The following SGCZ variants were observed in gnomAD, a reference collection of about 807,000 sequenced individuals.
SGCZ encodes sarcoglycan zeta.
SGCZ carries 40 observed loss-of-function variants against 41.3 expected under a neutral mutation model. The observed-to-expected ratio is 0.97, with a 90% CI of 0.75 to 1.26. The LOEUF (loss-of-function observed/expected upper bound fraction) is 1.26, where lower values mean the gene tolerates loss of function less well. SGCZ is among the 50% of genes most tolerant of loss of function. SGCZ has a pLI of 0.00. For missense variants in SGCZ, 552 were observed against 369.8 expected, an observed-to-expected ratio of 1.49 and a Z score of -4.04; for synonymous variants, 206 against 137.5, an observed-to-expected ratio of 1.50 and a Z score of -3.49.
chr8:14,813,283 A>G (rs188629185), intron 1 of SGCZ, among the ~76,000 whole-genome samples: 87 of 152,312 alleles, frequency 5.7e-4, no homozygotes, highest in African/African-American at 1.9e-3. Flanking sequence ...TTCACGTCGT[A>G]TGAAATTTCA....
chr8:14,519,775 T>C (rs1385301346), intron 2 of SGCZ, among the ~76,000 whole-genome samples: 1 of 152,124 alleles, frequency 6.6e-6, no homozygotes, highest in African/African-American at 2.4e-5. Flanking sequence ...TTGAAAGTAA[T>C]CATGAGAAAA....
chr8:14,459,872 A>G (rs1800852438), intron 2 of SGCZ, among the ~76,000 whole-genome samples: 1 of 152,222 alleles, frequency 6.6e-6, no homozygotes, highest in African/African-American at 2.4e-5. Context: ...GACATATTTT[A>G]CAAAATAACT....
At chr8:14,186,244 A>G (rs1804898094) in intron 4 of SGCZ, among the ~76,000 whole-genome samples, 1 of 152,248 alleles carries the variant, frequency 6.6e-6, no homozygotes, top group African/African-American at 2.4e-5. Flanking sequence ...GAAATGGTCT[A>G]AAGGACATGC....
chr8:14,728,433 C>G (rs985962438), intron 1 of SGCZ, among the ~76,000 whole-genome samples: 3 of 139,700 alleles, frequency 2.1e-5, no homozygotes, highest in African/African-American at 5.3e-5. Context: ...AAAAAGCAAA[C>G]AAAAATATCT....
At chr8:14,369,468 G>C (rs1228552623) in intron 2 of SGCZ, among the ~76,000 whole-genome samples, 2 of 151,912 alleles carry the variant, frequency 1.3e-5, no homozygotes, top group Non-Finnish European at 2.9e-5. Flanking sequence ...CATAGCTAGA[G>C]GCACTCAATG....
intron 1 of SGCZ, among the ~76,000 whole-genome samples, chr8:15,063,278 T>G (rs772463514): frequency 1.4e-4 from 22 of 152,118 alleles, no homozygotes; most frequent in Non-Finnish European, 2.2e-4. Flanking sequence ...ATAAGCACAT[T>G]TAATATGCAT....
intron 2 of SGCZ, among the ~76,000 whole-genome samples, chr8:14,442,764 T>A (rs575183043): frequency 8.6e-4 from 131 of 152,324 alleles, no homozygotes; most frequent in Non-Finnish European, 1.6e-3. Flanking sequence ...AGGTTTTGGC[T>A]CTTCATTCAA....
At chr8:14,496,814 G>C (rs1402392480) in intron 2 of SGCZ, among the ~76,000 whole-genome samples, 3 of 152,062 alleles carry the variant, frequency 2.0e-5, no homozygotes, top group Admixed American at 6.6e-5. Context: ...TGTTTTCTCA[G>C]TGTCTGTGTG....
intron 3 of SGCZ, chr8:14,309,747 C>A (rs1801466413): frequency 1.3e-6 from 2 of 1,589,414 alleles, no homozygotes; most frequent in African/African-American, 2.7e-5. Flanking sequence ...ACCAAAGCCT[C>A]TTCAAAAAGC....
At chr8:14,192,054 T>C (rs1805120850) in intron 4 of SGCZ, among the ~76,000 whole-genome samples, 1 of 152,132 alleles carries the variant, frequency 6.6e-6, no homozygotes, top group Admixed American at 6.5e-5. Context: ...TTATGACCTG[T>C]AGAAAAATGT....
chr8:14,494,738 T>A (rs970130530), intron 2 of SGCZ, among the ~76,000 whole-genome samples: 3 of 152,212 alleles, frequency 2.0e-5, no homozygotes, highest in Admixed American at 6.5e-5. Flanking sequence ...TCAGTAGACT[T>A]GTGACTGTTT....
chr8:14,360,557 T>G (rs1563279184), intron 2 of SGCZ, among the ~76,000 whole-genome samples: 1 of 152,146 alleles, frequency 6.6e-6, no homozygotes, highest in Admixed American at 6.5e-5. Flanking sequence ...AACTCCTGAC[T>G]TCAGGTGATC....
chr8:14,342,377 C>T (rs937727578), intron 2 of SGCZ, among the ~76,000 whole-genome samples: 9 of 152,162 alleles, frequency 5.9e-5, no homozygotes, highest in East Asian at 3.9e-4. Flanking sequence ...AGTGCACTGG[C>T]GCTATCTCGG....
At chr8:14,433,180 T>C (rs951958483) in intron 2 of SGCZ, among the ~76,000 whole-genome samples, 3 of 152,162 alleles carry the variant, frequency 2.0e-5, no homozygotes, top group Admixed American at 6.5e-5. Context: ...TAACATTTTA[T>C]TGGGAAATGC....
intron 2 of SGCZ, among the ~76,000 whole-genome samples, chr8:14,531,107 C>A (rs1803116297): frequency 6.6e-6 from 1 of 151,882 alleles, no homozygotes; most frequent in South Asian, 2.1e-4. Context: ...TATACTCAGC[C>A]CCTGATTAGT....
At chr8:14,997,662 A>T (rs75691481) in intron 1 of SGCZ, among the ~76,000 whole-genome samples, 3,345 of 152,284 alleles carry the variant, frequency 0.022, 140 homozygotes, top group African/African-American at 0.076. Context: ...AGATTCAGAC[A>T]ATTAGAAATA....
chr8:14,510,105 C>A (rs1266168432), intron 2 of SGCZ, among the ~76,000 whole-genome samples: 1 of 152,046 alleles, frequency 6.6e-6, no homozygotes, highest in Non-Finnish European at 1.5e-5. Context: ...GAAGGCAGAA[C>A]AAAGACTTTC....
intron 1 of SGCZ, among the ~76,000 whole-genome samples, chr8:14,803,139 A>G (rs775397850): frequency 2.0e-5 from 3 of 152,240 alleles, no homozygotes; most frequent in Non-Finnish European, 4.4e-5. Flanking sequence ...GGACTTGTAT[A>G]ACAAATAAAA....
chr8:14,633,444 C>T (rs560325007), intron 1 of SGCZ, among the ~76,000 whole-genome samples: 6 of 151,920 alleles, frequency 3.9e-5, no homozygotes, highest in African/African-American at 1.2e-4. Flanking sequence ...TAACATATAA[C>T]AAGCATGAAA....
Sources: gnomAD v4.1 joint callset for allele counts (sites outside exome capture counted in the v4.1 genomes callset) on GRCh38, gnomAD v4.1.1 for gene constraint, MANE v1.5 for transcripts, NCBI Gene and HGNC (gene_info 2026-07-23, HGNC 2026-07-21) for gene names.